EEA1: variants seen among roughly 807,000 people sequenced by gnomAD.
EEA1 encodes early endosome antigen 1.
EEA1 carries 111 observed loss-of-function variants against 209.2 expected under a neutral mutation model. The observed-to-expected ratio is 0.53, with a 90% CI of 0.45 to 0.62. The LOEUF is 0.62. Among genes scored for constraint, EEA1 ranks in the 20% least tolerant of loss-of-function variants. EEA1 has a pLI of 0.00. For missense variants in EEA1, 1,343 were observed against 1,530.8 expected, an observed-to-expected ratio of 0.88 and a Z score of 2.05; for synonymous variants, 536 against 540.6, an observed-to-expected ratio of 0.99 and a Z score of 0.12.
At chr12:92,782,490 A>G (rs1250142591) in intron 22 of EEA1, among the ~76,000 whole-genome samples, 1 of 152,232 alleles carries the variant, frequency 6.6e-6, no homozygotes, top group Non-Finnish European at 1.5e-5. Flanking sequence ...ATACACTCAG[A>G]GAACATATAT....
chr12:92,840,829 C>G (rs1204294728), intron 10 of EEA1, among the ~76,000 whole-genome samples: 2 of 152,164 alleles, frequency 1.3e-5, no homozygotes, highest in African/African-American at 4.8e-5. Context: ...GTCTGAATGT[C>G]TGTGTCCCCC....
At chr12:92,926,950 C>T (rs1309807370) in intron 1 of EEA1, among the ~76,000 whole-genome samples, 2 of 152,150 alleles carry the variant, frequency 1.3e-5, no homozygotes, top group Non-Finnish European at 2.9e-5. Context: ...CCTGTGAGTT[C>T]TAAAGGGAGG....
Position 92,852,294 on chromosome 12 carries a change from T to C in EEA1, c.523A>G (p.Ile175Val), listed in dbSNP as rs779948896. Residue 175 changes from isoleucine to valine, a missense_variant and splice_region_variant, in exon 8 of 29, where the codon ATA becomes GTA. Physicochemically the swap from Ile to Val is conservative, Grantham distance 29 (BLOSUM62 3). Transcript: ENST00000322349. ...CTTTCTTCATCATACTTTGACTTTATATCTAATTAAAGATAGTTATATAAA... is the reference window on the plus strand; with the variant it reads ...CTTTCTTCATCATACTTTGACTTTACATCTAATTAAAGATAGTTATATAAA... ...AAQLATEIAD[I>V]KSKYDEERSL... The C allele has an allele frequency of 1.3e-6, 2 of 1,556,150 alleles. No individual in the cohort carries two copies. Among genetic ancestry groups the C allele is most frequent in the East Asian group, 4.6e-5 (2 of 43,032 alleles).
At chr12:92,911,522 T>C (rs1178489600) in intron 1 of EEA1, among the ~76,000 whole-genome samples, 1 of 152,212 alleles carries the variant, frequency 6.6e-6, no homozygotes, top group East Asian at 1.9e-4. Context: ...AGTGGATTTG[T>C]ACAGAAGTGA....
chr12:92,909,850 T>C lies in EEA1; in HGVS notation c.25-18129A>G, dbSNP rs532755085. On this transcript the variant is annotated intron_variant, in intron 1 of 28. Transcript: ENST00000322349. Reference sequence around the variant, plus strand: ...TGGGCAACATGGTGAGACCCCGCCTTAATAAATTTAGGTTGGGCACAGTGG... The same window carrying C: ...TGGGCAACATGGTGAGACCCCGCCTCAATAAATTTAGGTTGGGCACAGTGG... Among the ~76,000 whole-genome samples, 4 of 151,598 alleles carry C rather than the reference T, an allele frequency of 2.6e-5. No individual in the cohort carries two copies. The South Asian group carries it at 8.4e-4, about 32-fold the overall frequency.
At chr12:92,920,359 T>C (rs1351603081) in intron 1 of EEA1, among the ~76,000 whole-genome samples, 1 of 133,260 alleles carries the variant, frequency 7.5e-6, no homozygotes, top group Non-Finnish European at 1.6e-5. Flanking sequence ...ACTACAAGGC[T>C]ACAGTAACCA....
At chr12:92,819,620 A>C in intron 13 of EEA1, 109 bp from the exon 14 acceptor site, 1 of 734,460 alleles carries the variant, frequency 1.4e-6, no homozygotes, top group Non-Finnish European at 2.1e-6. Context: ...TCAGTCTTAC[A>C]TTTTTTAAAA....
chr12:92,812,614 T>C (rs1482559809), intron 16 of EEA1, among the ~76,000 whole-genome samples: 1 of 152,122 alleles, frequency 6.6e-6, no homozygotes. Context: ...GTCTACCTAC[T>C]AAAAACAAAT....
At chr12:92,869,019 T>C (rs1170506126) in intron 2 of EEA1, among the ~76,000 whole-genome samples, 2 of 152,170 alleles carry the variant, frequency 1.3e-5, no homozygotes, top group Non-Finnish European at 2.9e-5. Context: ...AAAAAAAGTT[T>C]ATTAAAACCC....
intron 3 of EEA1, among the ~76,000 whole-genome samples, chr12:92,860,844 A>G (rs1317082581): frequency 1.3e-5 from 2 of 152,070 alleles, no homozygotes; most frequent in Non-Finnish European, 2.9e-5. Flanking sequence ...CAATTCCAAC[A>G]GTTTAATGAA....
At chr12:92,807,098 C>T (rs1875247627) in intron 18 of EEA1, among the ~76,000 whole-genome samples, 2 of 152,178 alleles carry the variant, frequency 1.3e-5, no homozygotes, top group East Asian at 1.9e-4. Flanking sequence ...AGATTACAGG[C>T]GTGTGCCACC....
intron 2 of EEA1, among the ~76,000 whole-genome samples, chr12:92,868,686 A>T (rs537042008): frequency 3.3e-5 from 5 of 152,342 alleles, no homozygotes; most frequent in East Asian, 3.9e-4. Context: ...ACATAAGTGA[A>T]TTTTCCATGT....
intron 1 of EEA1, among the ~76,000 whole-genome samples, chr12:92,921,759 G>GAAAAAAAAAA (rs751838383): frequency 1.0e-4 from 8 of 76,714 alleles, no homozygotes; most frequent in Admixed American, 1.7e-4. Context: ...TAAAAAAAAA[G>GAAAAAAAAAA]AAAAAAAAAA....
Position 92,819,378 on chromosome 12 carries a change from A to C in EEA1, c.1658T>G (p.Ile553Ser). The C allele has an allele frequency of 1.2e-6, 2 of 1,612,982 alleles. No homozygotes were observed. Among genetic ancestry groups the C allele is most frequent in the Non-Finnish European group, 1.7e-6 (2 of 1,179,466 alleles). Residue 553 changes from isoleucine to serine, a missense_variant, in exon 14 of 29, where the codon ATT becomes AGT. Coordinates refer to ENST00000322349, the MANE Select transcript of EEA1 (RefSeq NM_003566.4). ...EKEREDLYAKIQAGEGETAVL... is the reference protein window; with the variant it reads ...EKEREDLYAKSQAGEGETAVL... The stretch of plus-strand genomic sequence containing the variant: ...AGCAGTCTCTCCTTCACCAGCCTGA[A>C]TTTTTGCATAAAGATCTTCTCTTTC...
chr12:92,928,374 A>G (rs1291339307), intron 1 of EEA1, among the ~76,000 whole-genome samples: 1 of 152,216 alleles, frequency 6.6e-6, no homozygotes, highest in Admixed American at 6.5e-5. Flanking sequence ...CTGCGGATTT[A>G]TTCTTGGATA....
At chr12:92,802,962 G>A (rs1048579119) in intron 18 of EEA1, among the ~76,000 whole-genome samples, 2 of 151,984 alleles carry the variant, frequency 1.3e-5, no homozygotes, top group South Asian at 2.1e-4. Context: ...TAAGTTAGTA[G>A]TGAAGACAAA....
intron 2 of EEA1, among the ~76,000 whole-genome samples, chr12:92,877,689 C>T (rs1878974478): frequency 6.6e-6 from 1 of 151,748 alleles, no homozygotes; most frequent in African/African-American, 2.4e-5. Flanking sequence ...CCACCACACC[C>T]TTTAGTAGAG....
At chr12:92,801,735 AT>A in intron 19 of EEA1, 34 bp from the exon 20 acceptor site, 1 of 1,386,594 alleles carries the variant, frequency 7.2e-7, no homozygotes, top group Non-Finnish European at 9.7e-7. Flanking sequence ...TACATAAAAA[AT>A]ATTTGTAATA....
rs560836046 is a variant in EEA1, at chr12:92,832,632, T to C, written c.1134A>G (p.Lys378=). The C allele has an allele frequency of 1.2e-6, 2 of 1,614,064 alleles. No individual in the cohort carries two copies. Among genetic ancestry groups the C allele is most frequent in the South Asian group, 2.2e-5 (2 of 91,080 alleles). Reference sequence around the variant, plus strand: ...TGGTCTCTACCTCAGATAATTCTTCTTTGAGCTTTTGAGTAGCTTCTCCTT... The same window carrying C: ...TGGTCTCTACCTCAGATAATTCTTCCTTGAGCTTTTGAGTAGCTTCTCCTT... The part of the protein sequence containing the change: ...SEKGEATQKL[K]EELSEVETKY... The change falls in exon 11 of 29, where the codon AAA becomes AAG. Residue 378 remains lysine, a synonymous_variant. Transcript: ENST00000322349.
Sources: allele counts gnomAD v4.1 joint callset (sites outside exome capture counted in the v4.1 genomes callset), GRCh38; gene constraint gnomAD v4.1.1; transcripts MANE v1.5; gene names NCBI Gene and HGNC (gene_info 2026-07-23, HGNC 2026-07-21).